The following PCDH7 variants were observed in gnomAD, a reference collection of about 807,000 sequenced individuals.
PCDH7 encodes the protein protocadherin-7.
PCDH7 carries 17 observed loss-of-function variants against 58.9 expected under a neutral mutation model. The observed-to-expected ratio is 0.29, with a 90% CI of 0.20 to 0.43. The LOEUF (loss-of-function observed/expected upper bound fraction) is 0.43. Among genes scored for constraint, PCDH7 ranks in the 20% least tolerant of loss-of-function variants. PCDH7 has a pLI of 1.00. For missense variants in PCDH7, 1,274 were observed against 1,441.0 expected, an observed-to-expected ratio of 0.88 and a Z score of 1.88; for synonymous variants, 664 against 616.4, an observed-to-expected ratio of 1.08 and a Z score of -1.14.
At chr4:31,039,513 C>A (rs1178754850) in intron 3 of PCDH7, among the ~76,000 whole-genome samples, 1 of 152,152 alleles carries the variant, frequency 6.6e-6, no homozygotes, top group African/African-American at 2.4e-5. Flanking sequence ...CCTCCTTCCT[C>A]AGCCTCCCAA....
intron 3 of PCDH7, among the ~76,000 whole-genome samples, chr4:31,090,447 A>G (rs1713086485): frequency 6.6e-6 from 1 of 151,852 alleles, no homozygotes; most frequent in Non-Finnish European, 1.5e-5. Flanking sequence ...GTTATTTTAA[A>G]ATGTTCAAAT....
intron 1 of PCDH7, among the ~76,000 whole-genome samples, chr4:30,898,163 G>A (rs1306584083): frequency 6.6e-6 from 1 of 152,162 alleles, no homozygotes; most frequent in Non-Finnish European, 1.5e-5. Flanking sequence ...GGGAAAAACT[G>A]CATGAACTAA....
At chr4:31,081,990 C>T (rs1711548118) in intron 3 of PCDH7, among the ~76,000 whole-genome samples, 1 of 152,104 alleles carries the variant, frequency 6.6e-6, no homozygotes, top group South Asian at 2.1e-4. Flanking sequence ...CCAGGCTGGT[C>T]TTGAACTGGC....
chr4:30,964,509 G>A lies in PCDH7; in HGVS notation c.*7+14294G>A, dbSNP rs763529817. Among the ~76,000 whole-genome samples, 97 of 152,140 alleles carry A rather than the reference G, an allele frequency of 6.4e-4. 1 individual carries two copies. The highest frequency in any genetic ancestry group is 1.2e-3 in the Non-Finnish European group (84 of 67,988). ...GCCTGCCTCGGCCTCCCAAAGTGCTGGGATTACAGGCGTGAGCCACCGCAC... is the reference window on the plus strand; with the variant it reads ...GCCTGCCTCGGCCTCCCAAAGTGCTAGGATTACAGGCGTGAGCCACCGCAC... On this transcript the variant is annotated intron_variant, in intron 3 of 3. Transcript: ENST00000509759.
At chr4:30,992,786 TC>T (rs1751561554) in intron 3 of PCDH7, among the ~76,000 whole-genome samples, 1 of 148,290 alleles carries the variant, frequency 6.7e-6, no homozygotes, top group Non-Finnish European at 1.5e-5. Context: ...AGGACTACTG[TC>T]CCATTCTTTT....
At chr4:30,770,278 C>T (rs963725739) in intron 1 of PCDH7, among the ~76,000 whole-genome samples, 1 of 152,182 alleles carries the variant, frequency 6.6e-6, no homozygotes, top group East Asian at 1.9e-4. Context: ...CAGTTGTCCT[C>T]ACATGAAATA....
chr4:30,929,552 A>G (rs989311732), intron 2 of PCDH7, among the ~76,000 whole-genome samples: 2 of 152,084 alleles, frequency 1.3e-5, no homozygotes, highest in Non-Finnish European at 2.9e-5. Context: ...AACTACTAAC[A>G]TATGATAATG....
intron 3 of PCDH7, among the ~76,000 whole-genome samples, chr4:31,117,550 T>C (rs16884369): frequency 0.022 from 3,410 of 152,280 alleles, 121 homozygotes; most frequent in African/African-American, 0.078. Flanking sequence ...AGCAGTTTTC[T>C]AGGCAAAATA....
intron 3 of PCDH7, among the ~76,000 whole-genome samples, chr4:31,069,647 A>T (rs1207898649): frequency 1.3e-5 from 2 of 152,028 alleles, no homozygotes; most frequent in Non-Finnish European, 2.9e-5. Context: ...TAAAAGTTTG[A>T]TGGAATTATA....
chr4:30,946,690 T>TTGTGTG (rs112524366), intron 2 of PCDH7, among the ~76,000 whole-genome samples: 11,470 of 137,522 alleles, frequency 0.083, 617 homozygotes, highest in African/African-American at 0.15. Flanking sequence ...CTTATCTCTT[T>TTGTGTG]TGTGTGTGTG....
At chr4:30,772,693 G>T (rs190500094) in intron 1 of PCDH7, among the ~76,000 whole-genome samples, 1 of 152,148 alleles carries the variant, frequency 6.6e-6, no homozygotes, top group African/African-American at 2.4e-5. Flanking sequence ...CTATGGATAG[G>T]TATCTTTGAA....
At chr4:31,100,986 G>T (rs1714820129) in intron 3 of PCDH7, among the ~76,000 whole-genome samples, 1 of 152,052 alleles carries the variant, frequency 6.6e-6, no homozygotes, top group Admixed American at 6.6e-5. Flanking sequence ...TGTGTTGGTT[G>T]TAATGAATCA....
chr4:30,931,823 C>A (rs78385859), intron 2 of PCDH7, among the ~76,000 whole-genome samples: 1 of 140,260 alleles, frequency 7.1e-6, no homozygotes. Flanking sequence ...TTTTTCAGGA[C>A]TTTTTTTTTT....
intron 1 of PCDH7, among the ~76,000 whole-genome samples, chr4:30,769,286 C>T (rs1721108081): frequency 6.6e-6 from 1 of 152,236 alleles, no homozygotes; most frequent in South Asian, 2.1e-4. Flanking sequence ...CTTGGCTGCA[C>T]CGCAGCCCCC....
downstream of PCDH7, chr4:31,146,623 G>T (rs915500648): frequency 6.6e-6 from 1 of 152,014 alleles, no homozygotes; most frequent in Non-Finnish European, 1.5e-5. Flanking sequence ...ATTTATCATC[G>T]TTTATTATGA....
At chr4:31,050,098 C>T (rs776167879) in intron 3 of PCDH7, among the ~76,000 whole-genome samples, 2 of 152,062 alleles carry the variant, frequency 1.3e-5, no homozygotes, top group Non-Finnish European at 2.9e-5. Context: ...AGGTGCAGGA[C>T]TCAGCAGTTC....
intron 1 of PCDH7, among the ~76,000 whole-genome samples, chr4:30,796,812 G>A (rs1171981684): frequency 1.3e-5 from 2 of 151,942 alleles, no homozygotes; most frequent in Admixed American, 1.3e-4. Flanking sequence ...ACTTTCGAAG[G>A]CTTTTACGTG....
At chr4:30,836,127 TGGAGAGG>T (rs1346216463) in intron 1 of PCDH7, among the ~76,000 whole-genome samples, 1 of 152,200 alleles carries the variant, frequency 6.6e-6, no homozygotes, top group African/African-American at 2.4e-5. Flanking sequence ...GGATAGCTAA[TGGAGAGG>T]GCAAAACATG....
chr4:30,953,863 A>G (rs764269424), intron 3 of PCDH7, among the ~76,000 whole-genome samples: 2 of 152,236 alleles, frequency 1.3e-5, no homozygotes, highest in African/African-American at 2.4e-5. Flanking sequence ...GGATAATAAC[A>G]TTGGTGGAAG....
Sources: gnomAD v4.1 joint callset for allele counts (sites outside exome capture counted in the v4.1 genomes callset) on GRCh38, gnomAD v4.1.1 for gene constraint, MANE v1.5 for transcripts, NCBI Gene and HGNC (gene_info 2026-07-23, HGNC 2026-07-21) for gene names.